The following CSMD1 variants were observed in gnomAD, a reference collection of about 807,000 sequenced individuals.
The protein encoded by CSMD1 is CUB and sushi domain-containing protein 1.
Under a neutral mutation model 417.5 loss-of-function variants are expected in CSMD1, and 213 were observed. The ratio of observed to expected loss-of-function variants is 0.51; its 90% CI spans 0.46 to 0.57. CSMD1 has a LOEUF of 0.57. CSMD1 is among the 20% of genes least tolerant of loss of function. CSMD1 has a pLI of 0.00. For missense variants in CSMD1, 6,923 were observed against 4,529.7 expected (o/e 1.53, Z -15.17); for synonymous variants, 2,862 against 1,736.8 (o/e 1.65, Z -16.11).
chr8:3,826,374 C>G (rs1475369099), intron 5 of CSMD1, among the ~76,000 whole-genome samples: 1 of 152,128 alleles, frequency 6.6e-6, no homozygotes, highest in Non-Finnish European at 1.5e-5. Context: ...GATGCAAATT[C>G]TGGGAGAGTT....
At chr8:4,453,957 G>C (rs1265246659) in intron 2 of CSMD1, among the ~76,000 whole-genome samples, 1 of 151,266 alleles carries the variant, frequency 6.6e-6, no homozygotes, top group African/African-American at 2.4e-5. Flanking sequence ...GAGTAGCTGG[G>C]ACTACAGGCG....
At chr8:4,459,209 G>A (rs973021532) in intron 2 of CSMD1, among the ~76,000 whole-genome samples, 2 of 152,202 alleles carry the variant, frequency 1.3e-5, no homozygotes, top group African/African-American at 4.8e-5. Flanking sequence ...TCGCTTTCAA[G>A]TTCCACCTAT....
chr8:2,999,079 ATATT>A (rs1807162822), intron 53 of CSMD1, among the ~76,000 whole-genome samples: 1 of 152,126 alleles, frequency 6.6e-6, no homozygotes, highest in Non-Finnish European at 1.5e-5. Context: ...AATATTTACA[ATATT>A]TATCGCTGAA....
chr8:3,895,142 G>C (rs1296788683), intron 5 of CSMD1, among the ~76,000 whole-genome samples: 1 of 152,046 alleles, frequency 6.6e-6, no homozygotes, highest in Non-Finnish European at 1.5e-5. Context: ...CCTAGACATT[G>C]GCTTTATCTC....
chr8:4,228,124 G>T (rs1477524760), intron 3 of CSMD1, among the ~76,000 whole-genome samples: 1 of 152,078 alleles, frequency 6.6e-6, no homozygotes, highest in African/African-American at 2.4e-5. Flanking sequence ...CGTAACAGGA[G>T]ACATACCCTC....
At chr8:4,511,019 G>A (rs1802793230) in intron 2 of CSMD1, among the ~76,000 whole-genome samples, 1 of 151,940 alleles carries the variant, frequency 6.6e-6, no homozygotes, top group African/African-American at 2.4e-5. Context: ...TAACCTATGT[G>A]GCTGCCTTTT....
chr8:4,914,583 GAAA>G (rs59293226), intron 1 of CSMD1, among the ~76,000 whole-genome samples: 63,986 of 133,674 alleles, frequency 0.48, 14,678 homozygotes, highest in Middle Eastern at 0.52. Flanking sequence ...CTCCCAAAAA[GAAA>G]AAAAAAAAAA....
Position 3,929,114 on chromosome 8 carries a change from A to G in CSMD1, c.818+68789T>C, listed in dbSNP as rs959049556. Among the ~76,000 whole-genome samples the G allele has an allele frequency of 3.3e-5, 5 of 150,170 alleles. 1 individual carries two copies. Among genetic ancestry groups the G allele is most frequent in the South Asian group, 2.2e-4 (1 of 4,626 alleles). On this transcript the variant is annotated intron_variant, in intron 5 of 69. Transcript: ENST00000635120. ...AAGACTTGGAGTGAGGAGAGATGAA[A>G]CTCTGCACATAAGCAAGATGCTTTC...
intron 42 of CSMD1, among the ~76,000 whole-genome samples, chr8:3,115,487 C>A (rs1273327397): frequency 6.6e-6 from 1 of 152,166 alleles, no homozygotes; most frequent in Non-Finnish European, 1.5e-5. Flanking sequence ...CAGGCGTGAG[C>A]CACTGTGCCC....
At position 4,188,587 on chromosome 8, in the gene CSMD1, AC is replaced by A. The variant is rs569579689; in HGVS notation, c.416-156489del. ...TAGACACTGTCAACTGACGCGCCCTACAGTTCACTGCAAGCTTAAGATTCTG... is the reference window on the plus strand; with the variant it reads ...TAGACACTGTCAACTGACGCGCCCTAAGTTCACTGCAAGCTTAAGATTCTG... On this transcript the variant is annotated intron_variant, in intron 3 of 69. Coordinates refer to ENST00000635120, the MANE Select transcript of CSMD1 (RefSeq NM_033225.6). 2.7e-3 allele frequency among the ~76,000 whole-genome samples: 413 copies of A among 152,260 alleles called. 1 individual carries two copies. The highest frequency in any genetic ancestry group is 9.5e-3 in the African/African-American group (394 of 41,546).
intron 25 of CSMD1, among the ~76,000 whole-genome samples, chr8:3,298,739 C>G (rs957835380): frequency 2.0e-5 from 3 of 152,314 alleles, no homozygotes; most frequent in East Asian, 3.9e-4. Context: ...CAGGCGTAAG[C>G]CATCGTGCCC....
chr8:4,051,176 ATCCC>A (rs1798404826), intron 3 of CSMD1, among the ~76,000 whole-genome samples: 3 of 98,040 alleles, frequency 3.1e-5, no homozygotes, highest in South Asian at 4.1e-4. Flanking sequence ...TGGCAGCACA[ATCCC>A]TGCTGAGAAT....
At chr8:3,636,022 C>A (rs1797029190) in intron 7 of CSMD1, among the ~76,000 whole-genome samples, 1 of 152,134 alleles carries the variant, frequency 6.6e-6, no homozygotes, top group Non-Finnish European at 1.5e-5. Flanking sequence ...AACAGCTGTA[C>A]AAAAATATTT....
intron 3 of CSMD1, among the ~76,000 whole-genome samples, chr8:4,414,339 C>G (rs756145702): frequency 1.3e-5 from 2 of 152,296 alleles, no homozygotes; most frequent in African/African-American, 2.4e-5. Context: ...AAGAAAAGGT[C>G]TCTCTAGCAG....
At chr8:4,363,497 A>C (rs907224316) in intron 3 of CSMD1, among the ~76,000 whole-genome samples, 3 of 152,194 alleles carry the variant, frequency 2.0e-5, no homozygotes, top group Admixed American at 2.0e-4. Context: ...GAGGAAAAGC[A>C]TACTTTTATT....
chr8:4,444,287 C>G (rs1029131325), intron 2 of CSMD1, among the ~76,000 whole-genome samples: 1 of 129,696 alleles, frequency 7.7e-6, no homozygotes, highest in African/African-American at 2.9e-5. Flanking sequence ...GTGGACGTTG[C>G]AGTGAACTGA....
chr8:4,497,190 T>C (rs901547887), intron 2 of CSMD1, among the ~76,000 whole-genome samples: 1 of 152,170 alleles, frequency 6.6e-6, no homozygotes, highest in African/African-American at 2.4e-5. Context: ...TGTGGTCTTT[T>C]ACCTTTCCTT....
At chr8:4,544,182 C>T (rs750523563) in intron 2 of CSMD1, among the ~76,000 whole-genome samples, 1 of 152,028 alleles carries the variant, frequency 6.6e-6, no homozygotes, top group East Asian at 1.9e-4. Flanking sequence ...ATGTAAAAAC[C>T]ATTGCCAAAC....
chr8:4,822,888 G>T (rs2117394597), intron 1 of CSMD1, among the ~76,000 whole-genome samples: 1 of 152,180 alleles, frequency 6.6e-6, no homozygotes, highest in South Asian at 2.1e-4. Context: ...TTATGTTAAT[G>T]TGAGAAGTGC....
Sources: allele counts gnomAD v4.1 joint callset (sites outside exome capture counted in the v4.1 genomes callset), GRCh38; gene constraint gnomAD v4.1.1; transcripts MANE v1.5; gene names NCBI Gene and HGNC (gene_info 2026-07-23, HGNC 2026-07-21).